Variants in SLCO2B1 observed in about 807,000 individuals in gnomAD.
SLCO2B1 encodes solute carrier organic anion transporter family member 2B1.
A neutral mutation model predicts 67.3 loss-of-function variants in SLCO2B1; 41 were observed. The ratio of observed to expected loss-of-function variants is 0.61; its 90% CI spans 0.47 to 0.79. The LOEUF is 0.79. Among genes scored for constraint, SLCO2B1 ranks in the 30% least tolerant of loss-of-function variants. SLCO2B1 has a pLI of 0.00. For missense variants in SLCO2B1, 837 were observed against 920.1 expected (o/e 0.91, Z 1.17); for synonymous variants, 379 against 381.4 (o/e 0.99, Z 0.07).
intron 7 of SLCO2B1, among the ~76,000 whole-genome samples, chr11:75,173,183 T>C (rs1949985704): frequency 6.6e-6 from 1 of 152,194 alleles, no homozygotes; most frequent in South Asian, 2.1e-4. Context: ...TCTGTGCTCA[T>C]CACTTAAAGT....
chr11:75,164,206 G>A, intron 3 of SLCO2B1, 106 bp downstream of exon 3: 2 of 1,252,578 alleles, frequency 1.6e-6, no homozygotes, highest in South Asian at 1.5e-5. Flanking sequence ...TCCCCTCCCA[G>A]TGCCCTCAGG....
Position 75,169,369 on chromosome 11 carries a change from T to C in SLCO2B1, c.645T>C (p.Asp215=). 1.9e-6 allele frequency: 3 copies of C among 1,610,098 alleles called. No homozygotes were observed. The South Asian group carries it at 3.3e-5, about 18-fold the overall frequency. ...AGCCCTTTGGCATCTCCTACATCGA[T>C]GACTTTGCCCACAACAGCAACTCGC... ...PIQPFGISYI[D]DFAHNSNSPL... is the part of the protein sequence containing the mutation. Residue 215 remains aspartate, a synonymous_variant, in exon 5 of 14, where the codon GAT becomes GAC. Transcript: ENST00000289575.
chr11:75,166,085 C>A (rs895008817), intron 4 of SLCO2B1, 136 bp downstream of exon 4: 6 of 1,088,146 alleles, frequency 5.5e-6, no homozygotes, highest in Non-Finnish European at 7.7e-6. Context: ...CTAGTCCCCC[C>A]CCAACCTGGC....
intron 9 of SLCO2B1, among the ~76,000 whole-genome samples, chr11:75,195,245 T>C (rs780301357): frequency 2.6e-5 from 4 of 152,174 alleles, no homozygotes; most frequent in Non-Finnish European, 4.4e-5. Context: ...CTAGCTCTTA[T>C]CTGCTCAGCT....
chr11:75,200,029 T>C (rs1385676998), intron 10 of SLCO2B1, 195 bp from the exon 11 acceptor site: 9 of 544,432 alleles, frequency 1.7e-5, no homozygotes, highest in Non-Finnish European at 2.6e-5. Flanking sequence ...AACTTGCACA[T>C]AGACAGCCCT....
chr11:75,202,871 C>A (rs1224084703), intron 11 of SLCO2B1, 30 bp from the exon 12 acceptor site: 1 of 1,609,172 alleles, frequency 6.2e-7, no homozygotes, highest in Non-Finnish European at 8.5e-7. Context: ...ACCCCTCCAA[C>A]CTCATGTTGC....
intron 1 of SLCO2B1, among the ~76,000 whole-genome samples, chr11:75,158,113 C>T (rs374799885): frequency 2.6e-5 from 4 of 152,156 alleles, no homozygotes; most frequent in South Asian, 2.1e-4. Context: ...CTCACGCTGT[C>T]GCCCAGGCTG....
In SLCO2B1 at chr11:75,204,476, C is replaced by G; in HGVS notation, c.2026C>G (p.Gln676Glu). The G allele has an allele frequency of 6.2e-7, 1 of 1,613,462 alleles. No individual in the cohort carries two copies. The highest frequency in any genetic ancestry group is 8.5e-7 in the Non-Finnish European group (1 of 1,179,676). The change falls in exon 14 of 14, where the codon CAG becomes GAG. Residue 676 changes from glutamine to glutamate, a missense_variant. By Grantham distance (29) the Gln-to-Glu change is conservative. Transcript: ENST00000289575. ...FALVLAVLRQ[Q>E]DKEARTKESR... ...CTTAGTTTTGGCTGTCCTGAGGCAG[C>G]AGGACAAAGAGGCAAGGACCAAAGA... is the stretch of plus-strand genomic sequence containing the variant.
chr11:75,193,446 TCCACCTGGG>T lies in SLCO2B1; in HGVS notation c.1307_1315del (p.His436_Gly438del). 6.2e-7 allele frequency: 1 copy of T among 1,613,598 alleles called. No homozygotes were observed. Among genetic ancestry groups the T allele is most frequent in the Non-Finnish European group, 8.5e-7 (1 of 1,179,602 alleles). On this transcript the variant is annotated inframe_deletion, in exon 9 of 14. Transcript: ENST00000289575. The surrounding 1 kb of genome is among the most constrained non-coding windows in gnomAD (Gnocchi z 4.2). ...GTGGGTGGCGTCCTGGTCAAGCGGC[TCCACCTGGG>T]CCCTGTGGGATGCGGTGCCCTTTGC...
chr11:75,152,201 T>C (rs1405199943), intron 1 of SLCO2B1: 3 of 152,294 alleles, frequency 2.0e-5, no homozygotes, highest in Admixed American at 6.5e-5. Context: ...GGGAAGGCAG[T>C]ATGGGTAGAA....
intron 7 of SLCO2B1, among the ~76,000 whole-genome samples, chr11:75,180,972 A>G (rs565204723): frequency 4.6e-5 from 7 of 152,368 alleles, no homozygotes; most frequent in African/African-American, 1.7e-4. Context: ...GCATGGACCC[A>G]TAAAGATTAA....
chr11:75,189,768 G>A (rs1439456757), intron 8 of SLCO2B1, among the ~76,000 whole-genome samples: 1 of 152,048 alleles, frequency 6.6e-6, no homozygotes, highest in Non-Finnish European at 1.5e-5. Flanking sequence ...ACAACATAAG[G>A]AGACCCTGCC....
At chr11:75,174,141 A>T (rs1949997619) in intron 7 of SLCO2B1, among the ~76,000 whole-genome samples, 1 of 152,164 alleles carries the variant, frequency 6.6e-6, no homozygotes, top group Non-Finnish European at 1.5e-5. Context: ...AAGTTCATTA[A>T]TTTTTTTAAT....
At chr11:75,191,000 TC>T (rs1249102664) in intron 8 of SLCO2B1, among the ~76,000 whole-genome samples, 1 of 152,186 alleles carries the variant, frequency 6.6e-6, no homozygotes, top group African/African-American at 2.4e-5. Flanking sequence ...TTCCATCTAT[TC>T]CGGTGCCATG....
At chr11:75,194,316 T>G (rs1304085415) in intron 9 of SLCO2B1, among the ~76,000 whole-genome samples, 1 of 152,170 alleles carries the variant, frequency 6.6e-6, no homozygotes, top group Non-Finnish European at 1.5e-5. Flanking sequence ...CCAGAATGAT[T>G]TCATTTTTCC....
At chr11:75,166,127 C>A (rs1565535428) in intron 4 of SLCO2B1, among the ~76,000 whole-genome samples, 178 bp downstream of exon 4, 1 of 152,196 alleles carries the variant, frequency 6.6e-6, no homozygotes, top group Non-Finnish European at 1.5e-5. Context: ...GGGTCTCTGG[C>A]AGACCTGGGG....
chr11:75,178,074 A>G (rs1950046609), intron 7 of SLCO2B1, among the ~76,000 whole-genome samples: 1 of 150,372 alleles, frequency 6.7e-6, no homozygotes, highest in African/African-American at 2.5e-5. Context: ...AGCCTAGACA[A>G]CAGAGCAAGA....
At chr11:75,162,416 C>T (rs985853450) in intron 1 of SLCO2B1, among the ~76,000 whole-genome samples, 1 of 152,170 alleles carries the variant, frequency 6.6e-6, no homozygotes, top group African/African-American at 2.4e-5. Context: ...AAATAGGTAC[C>T]CAGTAGGTAT....
intron 12 of SLCO2B1, 167 bp from the exon 13 acceptor site, chr11:75,203,140 A>T: frequency 8.5e-7 from 1 of 1,175,860 alleles, no homozygotes; most frequent in Non-Finnish European, 1.2e-6. Context: ...GGCAGAGTCT[A>T]GACAGCCCGT....
Sources: gnomAD v4.1 joint callset for allele counts (sites outside exome capture counted in the v4.1 genomes callset) on GRCh38, gnomAD v4.1.1 for gene constraint, Gnocchi (gnomAD v3.1) non-coding constraint, MANE v1.5 for transcripts, NCBI Gene and HGNC (gene_info 2026-07-23, HGNC 2026-07-21) for gene names.